The following MEIS2 variants were observed in gnomAD, a reference collection of about 807,000 sequenced individuals.
MEIS2 encodes the protein Meis homeobox 2, also known as homeobox protein Meis2.
In MEIS2, 9 loss-of-function variants were observed where a neutral mutation model predicts 58.6. That is an observed-to-expected ratio of 0.15 (90% CI 0.09 to 0.27). The LOEUF (loss-of-function observed/expected upper bound fraction) is 0.27, where lower values mean the gene tolerates loss of function less well. Among genes scored for constraint, MEIS2 ranks in the 10% least tolerant of loss-of-function variants. The pLI is 1.00. For missense variants in MEIS2, 427 were observed against 635.0 expected, an observed-to-expected ratio of 0.67 and a Z score of 3.52; for synonymous variants, 221 against 228.4, an observed-to-expected ratio of 0.97 and a Z score of 0.29.
chr15:37,077,714 G>A (rs767335440), intron 7 of MEIS2, among the ~76,000 whole-genome samples: 2 of 151,954 alleles, frequency 1.3e-5, no homozygotes, highest in South Asian at 2.1e-4. Flanking sequence ...TTCTTATACC[G>A]AGAGGGGAGG....
intron 8 of MEIS2, among the ~76,000 whole-genome samples, chr15:37,011,575 A>T (rs1360454531): frequency 6.6e-6 from 1 of 151,642 alleles, no homozygotes; most frequent in African/African-American, 2.4e-5. Context: ...ATATGAAAAA[A>T]GATTATGTTT....
intron 9 of MEIS2, among the ~76,000 whole-genome samples, chr15:36,921,308 C>A (rs563900505): frequency 6.6e-6 from 1 of 152,098 alleles, no homozygotes; most frequent in Non-Finnish European, 1.5e-5. Context: ...AAAGAAAATG[C>A]GAAATGATCA....
intron 7 of MEIS2, among the ~76,000 whole-genome samples, chr15:37,065,777 C>G (rs1889849699): frequency 6.6e-6 from 1 of 152,070 alleles, no homozygotes; most frequent in Non-Finnish European, 1.5e-5. Context: ...TTTAAAAACC[C>G]ACGATATAAA....
At chr15:36,962,448 T>A (rs924514932) in intron 8 of MEIS2, among the ~76,000 whole-genome samples, 1 of 152,224 alleles carries the variant, frequency 6.6e-6, no homozygotes, top group Non-Finnish European at 1.5e-5. Context: ...CATCCTCCTG[T>A]ATACTTTAAA....
intron 9 of MEIS2, among the ~76,000 whole-genome samples, chr15:36,921,593 T>C (rs2057509800): frequency 6.6e-6 from 1 of 152,198 alleles, no homozygotes; most frequent in African/African-American, 2.4e-5. Context: ...GGGAAAGAAT[T>C]TGGTTCACCC....
chr15:36,982,946 T>C (rs2059975996), intron 8 of MEIS2, among the ~76,000 whole-genome samples: 2 of 152,166 alleles, frequency 1.3e-5, no homozygotes, highest in South Asian at 4.1e-4. Flanking sequence ...TTTGTATGTC[T>C]TCTTTGGAAA....
At chr15:36,995,169 G>T (rs1317823591) in intron 8 of MEIS2, among the ~76,000 whole-genome samples, 1 of 152,104 alleles carries the variant, frequency 6.6e-6, no homozygotes, top group Non-Finnish European at 1.5e-5. Context: ...TCTCCTCCCT[G>T]ATATATGGCT....
At chr15:37,009,251 T>C (rs961845074) in intron 8 of MEIS2, among the ~76,000 whole-genome samples, 1 of 151,960 alleles carries the variant, frequency 6.6e-6, no homozygotes, top group Non-Finnish European at 1.5e-5. Flanking sequence ...ATCGCGCCAC[T>C]GCACTCCAGC....
At chr15:37,010,004 A>C (rs2061076175) in intron 8 of MEIS2, among the ~76,000 whole-genome samples, 1 of 152,202 alleles carries the variant, frequency 6.6e-6, no homozygotes, top group African/African-American at 2.4e-5. Context: ...GAGGTAAGGG[A>C]GACACACCCC....
chr15:36,981,029 ATCT>A (rs1164889070), intron 8 of MEIS2, among the ~76,000 whole-genome samples: 1 of 152,160 alleles, frequency 6.6e-6, no homozygotes, highest in African/African-American at 2.4e-5. Flanking sequence ...TCTCCTCAAA[ATCT>A]TCTTTTAAGA....
intron 8 of MEIS2, among the ~76,000 whole-genome samples, chr15:37,008,612 T>C (rs1484699409): frequency 6.6e-6 from 1 of 152,242 alleles, no homozygotes; most frequent in East Asian, 1.9e-4. Flanking sequence ...CACTTTAATA[T>C]ACTGTCAAAG....
chr15:36,996,429 G>A (rs745947848), intron 8 of MEIS2, among the ~76,000 whole-genome samples: 4 of 151,954 alleles, frequency 2.6e-5, no homozygotes, highest in Non-Finnish European at 5.9e-5. Context: ...TTTTTTTATC[G>A]AGATTGGGAA....
intron 7 of MEIS2, among the ~76,000 whole-genome samples, chr15:37,051,559 A>G (rs1465013690): frequency 6.6e-6 from 1 of 152,238 alleles, no homozygotes; most frequent in East Asian, 1.9e-4. Context: ...GTGAGTGTAT[A>G]CAACTGCCAA....
At chr15:37,047,782 G>C (rs1379376471) in intron 7 of MEIS2, among the ~76,000 whole-genome samples, 1 of 152,188 alleles carries the variant, frequency 6.6e-6, no homozygotes, top group Non-Finnish European at 1.5e-5. Context: ...CTATGTTTCA[G>C]TACAAATTGT....
At position 36,913,749 on chromosome 15, in the gene MEIS2, A is replaced by C. The variant is rs567561962; in HGVS notation, c.978-17063T>G. Among the ~76,000 whole-genome samples, 293 of 152,262 alleles carry C rather than the reference A, an allele frequency of 1.9e-3. 2 individuals are homozygous for C. The highest frequency in any genetic ancestry group is 6.8e-3 in the African/African-American group (281 of 41,546). ...TCAGGGGGAGAAAAAAAAAAGCTTA[A>C]GGAGATTTTTTTCCTCCTAAGCACA... On this transcript the variant is annotated intron_variant, in intron 9 of 11. Coordinates refer to ENST00000561208, the MANE Select transcript of MEIS2 (RefSeq NM_170675.5).
intron 7 of MEIS2, among the ~76,000 whole-genome samples, chr15:37,073,120 G>T (rs1890929371): frequency 6.6e-6 from 1 of 152,002 alleles, no homozygotes; most frequent in Non-Finnish European, 1.5e-5. Flanking sequence ...TAATTTTGGG[G>T]CTCCACTATT....
rs747612320 is a variant in MEIS2, at chr15:37,098,107, C to A, written c.105G>T (p.Pro35=). The A allele has an allele frequency of 2.5e-6, 4 of 1,613,474 alleles. No individual in the cohort carries two copies. Among genetic ancestry groups the A allele is most frequent in the East Asian group, 4.5e-5 (2 of 44,862 alleles). The part of the protein sequence containing the change: ...GDPHAPRPIP[P]VHHLNHGPPL... ...GCGGCCCGTGGTTCAGGTGGTGAAC[C>A]GGGGGGATCGGCCGCGGCGCGTGAG... Residue 35 remains proline (P), a synonymous_variant, in exon 2 of 12, where the codon CCG becomes CCT. Transcript: ENST00000561208.
chr15:36,907,843 A>G (rs2056815355), intron 9 of MEIS2, among the ~76,000 whole-genome samples: 1 of 152,178 alleles, frequency 6.6e-6, no homozygotes, highest in Non-Finnish European at 1.5e-5. Flanking sequence ...ACAAAATATC[A>G]TAAATATGCA....
chr15:37,027,381 C>A (rs902876224), intron 8 of MEIS2, among the ~76,000 whole-genome samples: 1 of 152,206 alleles, frequency 6.6e-6, no homozygotes, highest in African/African-American at 2.4e-5. Flanking sequence ...ACCCAGTCAA[C>A]TTACCCTGTA....
Sources: allele counts gnomAD v4.1 joint callset (sites outside exome capture counted in the v4.1 genomes callset), GRCh38; gene constraint gnomAD v4.1.1; transcripts MANE v1.5; gene names NCBI Gene and HGNC (gene_info 2026-07-23, HGNC 2026-07-21).